RELA: variants seen among roughly 807,000 people sequenced by gnomAD.
The protein encoded by RELA is RELA proto-oncogene, NF-kB subunit.
Under a neutral mutation model 56.7 loss-of-function variants are expected in RELA, and 14 were observed. The ratio of observed to expected loss-of-function variants is 0.25; its 90% CI spans 0.16 to 0.39. The LOEUF (loss-of-function observed/expected upper bound fraction) is 0.39, where lower values mean the gene tolerates loss of function less well. Among genes scored for constraint, RELA ranks in the 10% least tolerant of loss-of-function variants. RELA has a pLI of 1.00. For synonymous variants in RELA, 315 were observed against 289.7 expected (o/e 1.09, Z -0.89); for missense variants, 559 against 736.4 (o/e 0.76, Z 2.79).
Position 65,655,922 on chromosome 11 carries a change from C to G in RELA, c.891G>C (p.Arg297=), listed in dbSNP as rs201467410. ...QYLPDTDDRH[R]IEEKRKRTYE... ...ATGTCCTTTTACGTTTCTCCTCAAT[C>G]CGGTGACGATCGTCTGGGAAAGTAA... is the stretch of plus-strand genomic sequence containing the variant. The change falls in exon 9 of 11, where the codon CGG becomes CGC. Residue 297 remains arginine, a synonymous_variant. Transcript: ENST00000406246. 6.2e-7 allele frequency: 1 copy of G among 1,614,124 alleles called. No homozygotes were observed. Among genetic ancestry groups the G allele is most frequent in the Admixed American group, 1.7e-5 (1 of 60,008 alleles).
Position 65,660,109 on chromosome 11 carries a change from CA to C in RELA, c.427+14del. The C allele has an allele frequency of 6.2e-7, 1 of 1,611,814 alleles. No homozygotes were observed. On this transcript the variant is annotated intron_variant, in intron 5 of 10. Transcript: ENST00000406246. ...TGACAGAGGGTGCGGGTGTGGCAGG[CA>C]GGTTTGCCCTCACCTTGGAAGGGGT...
In RELA at chr11:65,655,886, G is replaced by A. The variant is rs1203367106; in HGVS notation, c.927C>T (p.Phe309=). Reference sequence around the variant, plus strand: ...AAGGACTCTTCTTCATGATGCTCTTGAAGGTCTCATATGTCCTTTTACGTT... The same window carrying A: ...AAGGACTCTTCTTCATGATGCTCTTAAAGGTCTCATATGTCCTTTTACGTT... ...EEKRKRTYET[F]KSIMKKSPFS... Residue 309 remains phenylalanine, a synonymous_variant, in exon 9 of 11, where the codon TTC becomes TTT. Coordinates refer to ENST00000406246, the MANE Select transcript of RELA (RefSeq NM_021975.4). 2.5e-6 allele frequency: 4 copies of A among 1,614,118 alleles called. No individual in the cohort carries two copies. The African/African-American group carries it at 5.3e-5, about 22-fold the overall frequency.
rs1410768522 is a variant in RELA, at chr11:65,654,943, G to A, written c.1091C>T (p.Pro364Leu). The A allele has an allele frequency of 1.2e-6, 2 of 1,603,886 alleles. No individual in the cohort carries two copies. The highest frequency in any genetic ancestry group is 2.2e-5 in the East Asian group (1 of 44,590). ...SLSTINYDEF[P>L]TMVFPSGQIS... The stretch of plus-strand genomic sequence containing the variant: ...CTGCCCAGAAGGAAACACCATGGTG[G>A]GAAACTCATCATAGTTGATGGTGCT... Residue 364 changes from proline (P) to leucine (L), a missense_variant, in exon 11 of 11, where the codon CCC becomes CTC. By Grantham distance (98) the Pro-to-Leu change is moderately conservative. Around this residue, in one of 4 missense-constraint regions of RELA, gnomAD observed 365 missense variants for 387.5 expected, o/e 0.94. Transcript: ENST00000406246.
At chr11:65,655,997 A>G (rs1378648158) in intron 8 of RELA, 62 bp from the exon 9 acceptor site, 4 of 1,425,300 alleles carry the variant, frequency 2.8e-6, no homozygotes, top group East Asian at 4.5e-5. Context: ...GACGCTCTCA[A>G]AGGTCCCTCA....
At chr11:65,655,129 A>G (rs1165828351) in intron 10 of RELA, 129 bp from the exon 11 acceptor site, 8 of 744,448 alleles carry the variant, frequency 1.1e-5, no homozygotes, top group Non-Finnish European at 1.6e-5. Context: ...CCAACACCCT[A>G]TCTCCTTCCT....
At chr11:65,661,193 A>G (rs909045385) in intron 4 of RELA, among the ~76,000 whole-genome samples, 10 of 151,976 alleles carry the variant, frequency 6.6e-5, no homozygotes, top group African/African-American at 2.2e-4. Flanking sequence ...ATACCCAGCT[A>G]ATTTCTTATT....
At chr11:65,661,037 T>TAA (rs34431664) in intron 4 of RELA, among the ~76,000 whole-genome samples, 19 of 109,256 alleles carry the variant, frequency 1.7e-4, no homozygotes, top group African/African-American at 5.8e-4. Context: ...GACTCTTTCT[T>TAA]AAAAAAAAAA....
chr11:65,663,340 C>T (rs149914270), upstream of RELA, among the ~76,000 whole-genome samples: 29 of 152,340 alleles, frequency 1.9e-4, no homozygotes, highest in East Asian at 5.6e-3. Context: ...TGGTTGAACT[C>T]CGCGCGGGTT....
rs1193014025 is a variant in RELA at position 65,655,736 on chromosome 11, G to A, written c.985C>T (p.Arg329Ter). 6.2e-7 allele frequency: 1 copy of A among 1,614,098 alleles called. No homozygotes were observed. Among genetic ancestry groups the A allele is most frequent in the Middle Eastern group, 1.6e-4 (1 of 6,062 alleles). ...SGPTDPRPPPRRIAVPSRSSA... is the reference protein window; with the variant it reads ...SGPTDPRPPP ...CTGCGGGAAGGCACAGCAATGCGTC[G>A]AGGTGGAGGCCGGGGGTCGGTGGGT... The change falls in exon 10 of 11, where the codon CGA (arginine) becomes TGA (stop). Residue 329 changes from arginine to a stop codon, truncating the protein, a stop_gained. Transcript: ENST00000406246. LOFTEE classifies it high-confidence loss of function.
chr11:65,655,092 G>T, intron 10 of RELA, 92 bp from the exon 11 acceptor site: 1 of 1,016,826 alleles, frequency 9.8e-7, no homozygotes, highest in Non-Finnish European at 1.5e-6. Flanking sequence ...TGGTGCTCAG[G>T]CTCAATCCCT....
At chr11:65,655,563 C>G (rs533840630) in intron 10 of RELA, 125 bp downstream of exon 10, 3 of 935,228 alleles carry the variant, frequency 3.2e-6, no homozygotes, top group Non-Finnish European at 5.0e-6. Flanking sequence ...CTGGTTCCTG[C>G]GCCATCCTTT....
Position 65,662,002 on chromosome 11 carries a change from G to T in RELA, c.121C>A (p.Arg41Ser). Residue 41 changes from arginine (R) to serine (S), a missense_variant, in exon 3 of 11, where the codon CGC becomes AGC. Physicochemically the swap from Arg to Ser is moderately radical, Grantham distance 110. Coordinates refer to ENST00000406246, the MANE Select transcript of RELA (RefSeq NM_021975.4). Reference sequence around the variant, plus strand: ...TCGCCTGGGATGCTGCCCGCGGAGCGCCCCTCGCACTTGTAGCGGAAGCGC... The same window carrying T: ...TCGCCTGGGATGCTGCCCGCGGAGCTCCCCTCGCACTTGTAGCGGAAGCGC... ...GMRFRYKCEGRSAGSIPGERS... is the reference protein window; with the variant it reads ...GMRFRYKCEGSSAGSIPGERS... 1 of 1,613,606 alleles carries T rather than the reference G, an allele frequency of 6.2e-7. No homozygotes were observed. Among genetic ancestry groups the T allele is most frequent in the Non-Finnish European group, 8.5e-7 (1 of 1,179,924 alleles).
At chr11:65,660,277 C>T in intron 4 of RELA, 62 bp from the exon 5 acceptor site, 1 of 1,484,316 alleles carries the variant, frequency 6.7e-7, no homozygotes, top group Non-Finnish European at 9.4e-7. Flanking sequence ...CCTGCCTTGC[C>T]CAGCCTGCTC....
chr11:65,662,110 C>T, intron 2 of RELA, 22 bp from the exon 3 acceptor site: 1 of 1,603,992 alleles, frequency 6.2e-7, no homozygotes, highest in Non-Finnish European at 8.5e-7. Flanking sequence ...CACCGCAGCC[C>T]CATTAGGCGG....
chr11:65,662,181 G>T lies in RELA; in HGVS notation c.32C>A (p.Ala11Glu). 1 of 1,589,042 alleles carries T rather than the reference G, an allele frequency of 6.3e-7. No homozygotes were observed. Among genetic ancestry groups the T allele is most frequent in the African/African-American group, 1.4e-5 (1 of 73,300 alleles). The change falls in exon 2 of 11, where the codon GCA becomes GAA. Residue 11 changes from alanine to glutamate, a missense_variant and splice_region_variant. Physicochemically the swap from Ala to Glu is moderately radical, Grantham distance 107. Around this residue, in one of 4 missense-constraint regions of RELA, gnomAD observed 21 missense variants for 17.4 expected, o/e 1.21. Transcript: ENST00000406246. MDELFPLIFPAEPAQASGPYV... is the reference protein window; with the variant it reads MDELFPLIFPEEPAQASGPYV... ...CGACCGCCGCGGGGGCCACTTACCT[G>T]CCGGGAAGATGAGGGGGAACAGTTC...
At position 65,654,560 on chromosome 11, in the gene RELA, T is replaced by G. The variant is rs1283377121; in HGVS notation, c.1474A>C (p.Met492Leu). Residue 492 changes from methionine (M) to leucine (L), a missense_variant, in exon 11 of 11, where the codon ATG becomes CTG. Met to Leu is a conservative substitution (Grantham distance 15). Coordinates refer to ENST00000406246, the MANE Select transcript of RELA (RefSeq NM_021975.4). ...ATAGCCTCAGGGTACTCCATCAGCA[T>G]GGGCTCAGTTGTGTGGGGGGCCACA... ...IPVAPHTTEP[M>L]LMEYPEAITR... The G allele has an allele frequency of 6.2e-7, 1 of 1,607,910 alleles. No individual in the cohort carries two copies. Among genetic ancestry groups the G allele is most frequent in the East Asian group, 2.3e-5 (1 of 44,286 alleles).
In RELA at chr11:65,654,113, A is replaced by G. The variant is rs760067512; in HGVS notation, c.*265T>C. ...CCCCAGAGTTCCCTACAGAGAAGGG[A>G]GCTGACCATCAGGACAGGGGAAAAG... On this transcript the variant is annotated 3_prime_UTR_variant, in exon 11 of 11. Transcript: ENST00000406246. 5.8e-6 allele frequency: 3 copies of G among 512,980 alleles called. No homozygotes were observed. Among genetic ancestry groups the G allele is most frequent in the Non-Finnish European group, 1.1e-5 (3 of 281,512 alleles). The allele number at this position is 512,980 out of a possible 1,614,324, so 31.8% of individuals were successfully genotyped here.
At position 65,658,089 on chromosome 11, in the gene RELA, G is replaced by A. The variant is rs1439293922; in HGVS notation, c.877+198C>T. ...GTAATCCAGTGAAGTGCCTGGAATA[G>A]GGGCAGATGTGTAGTACTAGCTCAA... is the stretch of plus-strand genomic sequence containing the variant. On this transcript the variant is annotated intron_variant, in intron 8 of 10. Transcript: ENST00000406246. The surrounding 1 kb of genome is among the most constrained non-coding windows in gnomAD (Gnocchi z 4.5). Among the ~76,000 whole-genome samples the A allele has an allele frequency of 6.6e-6, 1 of 152,242 alleles. No individual in the cohort carries two copies. The highest frequency in any genetic ancestry group is 1.9e-4 in the East Asian group (1 of 5,200).
In RELA at chr11:65,662,033, C is replaced by G. The variant is rs1284745452; in HGVS notation, c.90G>C (p.Arg30=). The G allele has an allele frequency of 1.9e-6, 3 of 1,612,940 alleles. No homozygotes were observed. ...YVEIIEQPKQ[R]GMRFRYKCEG... ...CGCACTTGTAGCGGAAGCGCATGCC[C>G]CGCTGCTTGGGCTGCTCAATGATCT... The change falls in exon 3 of 11, where the codon CGG becomes CGC. Residue 30 remains arginine (R), a synonymous_variant. Coordinates refer to ENST00000406246, the MANE Select transcript of RELA (RefSeq NM_021975.4).
Sources: allele counts gnomAD v4.1 joint callset (sites outside exome capture counted in the v4.1 genomes callset), GRCh38; gene constraint gnomAD v4.1.1; regional missense constraint gnomAD v4.1.1; non-coding constraint Gnocchi (gnomAD v3.1); transcripts MANE v1.5; gene names NCBI Gene and HGNC (gene_info 2026-07-23, HGNC 2026-07-21).